The following HMGN1 variants were observed in gnomAD, a reference collection of about 807,000 sequenced individuals.
The protein encoded by HMGN1 is high mobility group nucleosome binding domain 1.
Under a neutral mutation model 18.4 loss-of-function variants are expected in HMGN1, and 9 were observed. The observed-to-expected ratio is 0.49, with a 90% CI of 0.29 to 0.85. The LOEUF (loss-of-function observed/expected upper bound fraction) is 0.85, where lower values mean the gene tolerates loss of function less well. HMGN1 is among the 40% of genes least tolerant of loss of function. The pLI is 0.07. For synonymous variants in HMGN1, 59 were observed against 45.0 expected (o/e 1.31, Z -1.24); for missense variants, 151 against 119.2 (o/e 1.27, Z -1.24).
rs1349314932 is a variant in HMGN1, at chr21:39,348,672, C to G, written c.16-95G>C. 3.5e-6 allele frequency: 5 copies of G among 1,411,308 alleles called. No homozygotes were observed. The African/African-American group carries it at 5.9e-5, about 17-fold the overall frequency. The allele number at this position is 1,411,308 out of a possible 1,614,324, so 87.4% of individuals were successfully genotyped here. A position where few individuals can be genotyped will look rare whatever the true frequency, so the allele number is the denominator to read the frequency against. On this transcript the variant is annotated intron_variant, in intron 1 of 5. Coordinates refer to ENST00000380749, the MANE Select transcript of HMGN1 (RefSeq NM_004965.7). ...AGAACAATGCCCGGCCGCGTGACGTCACGGCTTCCCGCCGCCCCGTTCGAA... is the reference window on the plus strand; with the variant it reads ...AGAACAATGCCCGGCCGCGTGACGTGACGGCTTCCCGCCGCCCCGTTCGAA...
chr21:39,346,192 C>G (rs1312221480), intron 4 of HMGN1: 1 of 349,874 alleles, frequency 2.9e-6, no homozygotes, highest in East Asian at 7.5e-5. Context: ...AATTAAAGGG[C>G]CATAAAGACA....
chr21:39,344,556 G>A (rs1241134117), intron 5 of HMGN1: 1 of 152,320 alleles, frequency 6.6e-6, no homozygotes, highest in Non-Finnish European at 1.5e-5. Flanking sequence ...GTGCAGTAGT[G>A]CTCACAACAA....
chr21:39,348,518 CA>C, intron 2 of HMGN1, 26 bp downstream of exon 2: 1 of 1,613,636 alleles, frequency 6.2e-7, no homozygotes, highest in Non-Finnish European at 8.5e-7. Context: ...GGAAACCCAC[CA>C]CCCCCCGCAG....
At position 39,348,981 on chromosome 21, in the gene HMGN1, GCC is replaced by G. The variant is rs1306018790; in HGVS notation, c.-66_-65del. 5.0e-6 allele frequency: 6 copies of G among 1,205,186 alleles called. No homozygotes were observed. In the African/African-American group the frequency reaches 9.5e-5, roughly 19 times the overall value. The allele number at this position is 1,205,186 out of a possible 1,614,324, so 74.7% of individuals were successfully genotyped here. On this transcript the variant is annotated 5_prime_UTR_variant, in exon 1 of 6. Transcript: ENST00000380749. ...GAAGGCGCGTGCCGGGTGCCTGCGG[GCC>G]GCGGCGCGCCGACAGCCTTCGCGAA...
chr21:39,349,048 A>C lies in HMGN1; in HGVS notation c.-131T>G. The C allele has an allele frequency of 9.7e-7, 1 of 1,032,158 alleles. No individual in the cohort carries two copies. Among genetic ancestry groups the C allele is most frequent in the Non-Finnish European group, 1.2e-6 (1 of 821,886 alleles). The allele number at this position is 1,032,158 out of a possible 1,614,324, so 63.9% of individuals were successfully genotyped here. ...CCGCTGCCACTCCTCCCGCCGCCCG[A>C]GCTGCTGAGACCCACAGCGGGGGCG... is the stretch of plus-strand genomic sequence containing the variant. On this transcript the variant is annotated 5_prime_UTR_variant, in exon 1 of 6. Coordinates refer to ENST00000380749, the MANE Select transcript of HMGN1 (RefSeq NM_004965.7).
In HMGN1 at chr21:39,345,267, G is replaced by A. The variant is rs144112239; in HGVS notation, c.134C>T (p.Ser45Phe). ...KPKKAAAKDK[S>F]SDKKVQTKGK... ...TTTTGTTTGCACTTTTTTGTCTGAA[G>A]ATTTATCCTATGATAGAATAAGAAT... is the stretch of plus-strand genomic sequence containing the variant. The change falls in exon 5 of 6, where the codon TCT becomes TTT. Residue 45 changes from serine to phenylalanine, a missense_variant. By Grantham distance (155) the Ser-to-Phe change is radical. Coordinates refer to ENST00000380749, the MANE Select transcript of HMGN1 (RefSeq NM_004965.7). The A allele has an allele frequency of 1.1e-4, 179 of 1,611,934 alleles. 2 individuals are homozygous for A. In the South Asian group the frequency reaches 1.7e-3, roughly 15 times the overall value.
At chr21:39,343,181 G>A (rs767078523) in intron 5 of HMGN1, 22 bp from the exon 6 acceptor site, 1 of 1,584,650 alleles carries the variant, frequency 6.3e-7, no homozygotes, top group Non-Finnish European at 8.6e-7. Context: ...AGGAAATTGA[G>A]ATCTTTAGCA....
intron 4 of HMGN1, 66 bp downstream of exon 4, chr21:39,348,226 G>T: frequency 6.4e-7 from 1 of 1,566,762 alleles, no homozygotes; most frequent in Non-Finnish European, 8.8e-7. Context: ...CAAAATGGAA[G>T]CCCCGCATTA....
At chr21:39,343,283 T>C (rs528158733) in intron 5 of HMGN1, 124 bp from the exon 6 acceptor site, 21 of 951,360 alleles carry the variant, frequency 2.2e-5, no homozygotes, top group Middle Eastern at 3.2e-4. Context: ...TACCTACTCT[T>C]GTTAAAAAAC....
rs111256256 is a variant in HMGN1 at position 39,348,740 on chromosome 21, C to T, written c.15+163G>A. 1.4e-5 allele frequency: 15 copies of T among 1,098,046 alleles called. No individual in the cohort carries two copies. In the East Asian group the frequency reaches 4.7e-4, roughly 35 times the overall value. The allele number at this position is 1,098,046 out of a possible 1,614,324, so 68.0% of individuals were successfully genotyped here. On this transcript the variant is annotated intron_variant, in intron 1 of 5. Coordinates refer to ENST00000380749, the MANE Select transcript of HMGN1 (RefSeq NM_004965.7). Reference sequence around the variant, plus strand: ...CCGGCCGCCAAACGTTCCAGAACGCCCGCCCCCGCGGCCGCCGAGCGCTCG... The same window carrying T: ...CCGGCCGCCAAACGTTCCAGAACGCTCGCCCCCGCGGCCGCCGAGCGCTCG...
At chr21:39,344,024 G>A (rs956010228) in intron 5 of HMGN1, among the ~76,000 whole-genome samples, 3 of 152,138 alleles carry the variant, frequency 2.0e-5, no homozygotes, top group Non-Finnish European at 4.4e-5. Flanking sequence ...TGAGGCCAAG[G>A]CGGACAGATC....
At chr21:39,345,935 C>T (rs1352103713) in intron 4 of HMGN1, 1 of 1,302,072 alleles carries the variant, frequency 7.7e-7, no homozygotes, top group East Asian at 5.5e-5. Flanking sequence ...GAATTTATCA[C>T]TTTCATTTAG....
Position 39,345,637 on chromosome 21 carries a change from T to G in HMGN1, c.127-363A>C, listed in dbSNP as rs74473632. The stretch of plus-strand genomic sequence containing the variant: ...GCCTCATTAGACATATGACAAATCC[T>G]AAAGCCCGAGCTATATTTCACCACT... On this transcript the variant is annotated intron_variant, in intron 4 of 5. Transcript: ENST00000380749. 3.1e-5 allele frequency: 12 copies of G among 392,836 alleles called. No individual in the cohort carries two copies. In the East Asian group the frequency reaches 8.3e-4, roughly 27 times the overall value. The allele number at this position is 392,836 out of a possible 1,614,324, so 24.3% of individuals were successfully genotyped here.
intron 5 of HMGN1, 87 bp from the exon 6 acceptor site, chr21:39,343,246 A>G (rs1182336035): frequency 1.5e-6 from 2 of 1,315,322 alleles, no homozygotes; most frequent in Admixed American, 2.2e-5. Flanking sequence ...AAAAAAGTCA[A>G]TAACCTTTGT....
chr21:39,348,698 T>A, intron 1 of HMGN1, 121 bp from the exon 2 acceptor site: 2 of 1,253,804 alleles, frequency 1.6e-6, no homozygotes, highest in South Asian at 1.5e-5. Context: ...CCCGTTCGAA[T>A]AGCCCCCTCA....
intron 1 of HMGN1, 74 bp downstream of exon 1, chr21:39,348,829 C>T (rs1215316621): frequency 9.7e-7 from 1 of 1,032,040 alleles, no homozygotes; most frequent in East Asian, 5.3e-5. Flanking sequence ...GCAACGGGGC[C>T]TGGGCCTCGC....
intron 4 of HMGN1, 54 bp downstream of exon 4, chr21:39,348,238 G>A: frequency 1.3e-6 from 2 of 1,594,682 alleles, no homozygotes; most frequent in South Asian, 1.1e-5. Flanking sequence ...CCCGCATTAA[G>A]AAGCAGTGTA....
At chr21:39,348,783 C>A in intron 1 of HMGN1, 120 bp downstream of exon 1, 1 of 1,069,138 alleles carries the variant, frequency 9.4e-7, no homozygotes, top group South Asian at 2.3e-5. Flanking sequence ...GCCCGCCGGT[C>A]TCCAAGCGCC....
chr21:39,345,190 T>C lies in HMGN1; in HGVS notation c.211A>G (p.Lys71Glu), dbSNP rs2037005913. 4 of 1,613,050 alleles carry C rather than the reference T, an allele frequency of 2.5e-6. No individual in the cohort carries two copies. Among genetic ancestry groups the C allele is most frequent in the African/African-American group, 2.7e-5 (2 of 74,842 alleles). Reference sequence around the variant, plus strand: ...CCGTTTTCCGCAGGTAAGTCTTCTTTAGTTTCTTGGTTAGCCACTTCGGCC... The same window carrying C: ...CCGTTTTCCGCAGGTAAGTCTTCTTCAGTTTCTTGGTTAGCCACTTCGGCC... ...KQAEVANQETKEDLPAENGET... is the reference protein window; with the variant it reads ...KQAEVANQETEEDLPAENGET... Residue 71 changes from lysine (K) to glutamate (E), a missense_variant, in exon 5 of 6, where the codon AAA (lysine) becomes GAA (glutamate). Lys to Glu is a moderately conservative substitution (Grantham distance 56, BLOSUM62 1). Coordinates refer to ENST00000380749, the MANE Select transcript of HMGN1 (RefSeq NM_004965.7).
Sources: gnomAD v4.1 joint callset for allele counts (sites outside exome capture counted in the v4.1 genomes callset) on GRCh38, gnomAD v4.1.1 for gene constraint, MANE v1.5 for transcripts, NCBI Gene and HGNC (gene_info 2026-07-23, HGNC 2026-07-21) for gene names.